The following CHIC2 variants were observed in gnomAD, a reference collection of about 807,000 sequenced individuals.
CHIC2 encodes cysteine-rich hydrophobic domain-containing protein 2.
CHIC2 carries 14 observed loss-of-function variants against 25.9 expected under a neutral mutation model. The ratio of observed to expected loss-of-function variants is 0.54; its 90% confidence interval spans 0.36 to 0.85. The LOEUF (loss-of-function observed/expected upper bound fraction) is 0.85, where lower values mean the gene tolerates loss of function less well. CHIC2 is among the 40% of genes least tolerant of loss of function. CHIC2 has a pLI of 0.01. For synonymous variants in CHIC2, 70 were observed against 72.0 expected (o/e 0.97, Z 0.14); for missense variants, 146 against 202.0 (o/e 0.72, Z 1.68).
intron 3 of CHIC2, among the ~76,000 whole-genome samples, chr4:54,038,918 T>C (rs1246973354): frequency 6.6e-6 from 1 of 152,072 alleles, no homozygotes. Context: ...TTAATCAAGA[T>C]AGACATACAA....
chr4:54,020,290 C>T (rs1043193948), intron 3 of CHIC2, among the ~76,000 whole-genome samples: 83 of 152,142 alleles, frequency 5.5e-4, no homozygotes, highest in Admixed American at 5.3e-3. Context: ...TTGTATTTCT[C>T]CCCACCCTTG....
At chr4:54,090,064 T>C in the CHIC2 span, among the ~76,000 whole-genome samples, 2,248 of 152,294 alleles carry the variant, frequency 0.015, 42 homozygotes, top group African/African-American at 0.049. Flanking sequence ...GATATCTCAT[T>C]ATATACATGC....
the CHIC2 span, among the ~76,000 whole-genome samples, chr4:54,081,801 A>G: frequency 6.6e-6 from 1 of 152,104 alleles, no homozygotes; most frequent in African/African-American, 2.4e-5. Flanking sequence ...GTCTTAAGTG[A>G]GCCTCCTGCC....
chr4:54,072,694 G>A, the CHIC2 span, among the ~76,000 whole-genome samples: 9 of 152,240 alleles, frequency 5.9e-5, no homozygotes, highest in East Asian at 1.9e-4. Context: ...CATTCAATAC[G>A]TCTTCATCTG....
intron 3 of CHIC2, among the ~76,000 whole-genome samples, chr4:54,017,221 A>G (rs895319849): frequency 2.0e-5 from 3 of 152,196 alleles, no homozygotes; most frequent in Non-Finnish European, 4.4e-5. Flanking sequence ...TAATCATATA[A>G]CAACCTGTCC....
At chr4:54,081,165 C>A in the CHIC2 span, among the ~76,000 whole-genome samples, 2 of 151,264 alleles carry the variant, frequency 1.3e-5, no homozygotes, top group East Asian at 3.9e-4. Context: ...TGTTTCTTTT[C>A]TTTTTTCAGA....
intron 3 of CHIC2, among the ~76,000 whole-genome samples, chr4:54,033,194 T>A (rs972331007): frequency 2.6e-5 from 4 of 152,238 alleles, no homozygotes; most frequent in Admixed American, 6.5e-5. Context: ...TATTTCCTTA[T>A]AGCAATGCAA....
intron 3 of CHIC2, among the ~76,000 whole-genome samples, chr4:54,021,467 T>A (rs1175254780): frequency 6.6e-6 from 1 of 152,090 alleles, no homozygotes; most frequent in Non-Finnish European, 1.5e-5. Context: ...CTCAACAGGC[T>A]GAGCCAGGTC....
intron 1 of CHIC2, among the ~76,000 whole-genome samples, chr4:54,055,255 C>G (rs552066238): frequency 4.3e-4 from 65 of 152,198 alleles, no homozygotes; most frequent in African/African-American, 1.5e-3. Context: ...ATTATAGGTA[C>G]ATGCCACCAT....
At chr4:54,043,431 A>G (rs1297974465) in intron 3 of CHIC2, among the ~76,000 whole-genome samples, 1 of 151,732 alleles carries the variant, frequency 6.6e-6, no homozygotes, top group Non-Finnish European at 1.5e-5. Context: ...AAAAAAAAAA[A>G]AAAAAAAAGA....
intron 3 of CHIC2, among the ~76,000 whole-genome samples, chr4:54,037,172 A>C (rs1435478391): frequency 1.3e-5 from 2 of 151,898 alleles, no homozygotes; most frequent in African/African-American, 4.8e-5. Context: ...TGAGAGATGA[A>C]ACCCTGTCTC....
the CHIC2 span, among the ~76,000 whole-genome samples, chr4:54,080,968 A>G: frequency 0.014 from 1,959 of 141,666 alleles, 76 homozygotes; most frequent in African/African-American, 0.049. Flanking sequence ...ATATATATAT[A>G]TATATATATA....
chr4:54,075,446 C>T, the CHIC2 span, among the ~76,000 whole-genome samples: 1 of 152,064 alleles, frequency 6.6e-6, no homozygotes, highest in African/African-American at 2.4e-5. Flanking sequence ...TAGTTAATCA[C>T]ACCATTGGAG....
chr4:54,026,283 G>A (rs1469760769), intron 3 of CHIC2, among the ~76,000 whole-genome samples: 4 of 152,188 alleles, frequency 2.6e-5, no homozygotes, highest in South Asian at 2.1e-4. Flanking sequence ...ACACTGGGAG[G>A]TGGAGGTGGA....
the CHIC2 span, among the ~76,000 whole-genome samples, chr4:54,080,115 T>C: frequency 2.9e-4 from 43 of 149,096 alleles, no homozygotes; most frequent in Non-Finnish European, 4.3e-4. Flanking sequence ...GAAAATTTGG[T>C]ATATATATAT....
intron 1 of CHIC2, among the ~76,000 whole-genome samples, chr4:54,062,824 G>A (rs1452211370): frequency 6.6e-6 from 1 of 152,088 alleles, no homozygotes; most frequent in African/African-American, 2.4e-5. Context: ...TCAAATGGCA[G>A]GTTATGAATT....
intron 3 of CHIC2, among the ~76,000 whole-genome samples, chr4:54,038,774 C>G (rs1045765497): frequency 1.3e-5 from 2 of 152,042 alleles, no homozygotes; most frequent in Admixed American, 6.6e-5. Context: ...GTAATTCCAG[C>G]ACTTTGGGAG....
At chr4:54,042,759 T>TG (rs1273570321) in intron 3 of CHIC2, among the ~76,000 whole-genome samples, 2 of 151,318 alleles carry the variant, frequency 1.3e-5, no homozygotes, top group Non-Finnish European at 1.5e-5. Context: ...GTGAGAATGA[T>TG]GAAAAAAAAA....
chr4:54,014,866 A>G (rs1428966569), intron 3 of CHIC2, among the ~76,000 whole-genome samples: 1 of 152,190 alleles, frequency 6.6e-6, no homozygotes, highest in Non-Finnish European at 1.5e-5. Context: ...TGAGACTGAC[A>G]CAGCTGCAGG....
Sources: allele counts gnomAD v4.1 joint callset (sites outside exome capture counted in the v4.1 genomes callset), GRCh38; gene constraint gnomAD v4.1.1; transcripts MANE v1.5; gene names NCBI Gene and HGNC (gene_info 2026-07-23, HGNC 2026-07-21).